OR5M1: variants seen among roughly 807,000 people sequenced by gnomAD.
OR5M1 encodes the protein olfactory receptor family 5 subfamily M member 1.
For missense variants in OR5M1, 367 were observed against 379.5 expected (o/e 0.97, Z 0.27); for synonymous variants, 165 against 144.2 (o/e 1.14, Z -1.04).
chr11:56,612,954 A>G lies in OR5M1; in HGVS notation c.549T>C (p.Pro183=), dbSNP rs1197386938. ...EINHFYCADP[P]LIMLACSDTR... is the part of the protein sequence containing the mutation. The stretch of plus-strand genomic sequence containing the variant: ...TGTCAGAGCAGGCCAGCATGATAAG[A>G]GGAGGATCAGCGCAGTAGAAATGAT... The change falls in exon 2 of 2, where the codon CCT becomes CCC. Residue 183 remains proline (P), a synonymous_variant. Transcript: ENST00000641076. 1.9e-6 allele frequency: 3 copies of G among 1,613,762 alleles called. No individual in the cohort carries two copies. The highest frequency in any genetic ancestry group is 1.7e-6 in the Non-Finnish European group (2 of 1,179,784).
chr11:56,612,712 G>C lies in OR5M1; in HGVS notation c.791C>G (p.Ser264Ter), dbSNP rs1444834145. ...TLFCMYVRPP[S>*]EKSVEESKIT... ...TTTGGACTCCTCTACAGACTTCTCT[G>C]ATGGAGGCCTTACGTACATGCAGAA... Residue 264 changes from serine to a stop codon, truncating the protein, a stop_gained, in exon 2 of 2, where the codon TCA becomes TGA. Coordinates refer to ENST00000641076, the MANE Select transcript of OR5M1 (RefSeq NM_001004740.2). LOFTEE classifies it low-confidence loss of function (END_TRUNC). 19 of 1,613,750 alleles carry C rather than the reference G, an allele frequency of 1.2e-5. No homozygotes were observed.
At chr11:56,614,148 C>T (rs1004490738) in intron 1 of OR5M1, among the ~76,000 whole-genome samples, 1 of 152,122 alleles carries the variant, frequency 6.6e-6, no homozygotes, top group East Asian at 1.9e-4. Context: ...AATGTCACTG[C>T]CTGTTTACTC....
In OR5M1 at chr11:56,613,063, A is replaced by T; in HGVS notation, c.440T>A (p.Ile147Asn). 2 of 1,608,862 alleles carry T rather than the reference A, an allele frequency of 1.2e-6. No homozygotes were observed. Among genetic ancestry groups the T allele is most frequent in the Non-Finnish European group, 1.7e-6 (2 of 1,176,660 alleles). Residue 147 changes from isoleucine to asparagine, a missense_variant, in exon 2 of 2, where the codon ATC becomes AAC. Physicochemically the swap from Ile to Asn is moderately radical, Grantham distance 149. Coordinates refer to ENST00000641076, the MANE Select transcript of OR5M1 (RefSeq NM_001004740.2). The stretch of plus-strand genomic sequence containing the variant: ...ACTAAGAAACCCATACATGTAAGGG[A>T]TAGTGACCAGACAGACACAGATGTT... ...SKNICVCLVT[I>N]PYMYGFLSGF...
rs1313308673 is a variant in OR5M1 at position 56,612,681 on chromosome 11, A to T, written c.822T>A (p.Thr274=). ...SEKSVEESKI[T]AVFYTFLSPM... ...GGCTCAAAAAAGTATAAAAGACTGC[A>T]GTTATTTTGGACTCCTCTACAGACT... The change falls in exon 2 of 2, where the codon ACT becomes ACA. Residue 274 remains threonine (T), a synonymous_variant. Coordinates refer to ENST00000641076, the MANE Select transcript of OR5M1 (RefSeq NM_001004740.2). 1.9e-6 allele frequency: 3 copies of T among 1,613,880 alleles called. No homozygotes were observed. The highest frequency in any genetic ancestry group is 2.5e-6 in the Non-Finnish European group (3 of 1,179,784).
In OR5M1 at chr11:56,614,526, T is replaced by C. The variant is rs137873812; in HGVS notation, c.-18+331A>G. 3.8e-3 allele frequency among the ~76,000 whole-genome samples: 572 copies of C among 152,230 alleles called. 2 individuals are homozygous for C. Among genetic ancestry groups the C allele is most frequent in the African/African-American group, 0.013 (543 of 41,536 alleles). ...TGTTTAGGTATGCACAGATAATTTT[T>C]AAAAGGGGTCTTAGCTTCCAACTCA... On this transcript the variant is annotated intron_variant, in intron 1 of 1. Coordinates refer to ENST00000641076, the MANE Select transcript of OR5M1 (RefSeq NM_001004740.2).
Position 56,611,847 on chromosome 11 carries a change from G to A in OR5M1, c.*708C>T, listed in dbSNP as rs947473956. On this transcript the variant is annotated 3_prime_UTR_variant, in exon 2 of 2. Coordinates refer to ENST00000641076, the MANE Select transcript of OR5M1 (RefSeq NM_001004740.2). ...TGAATTAGTCCTAAGTCAGAGGTAC[G>A]GCACTGGAAAACATAACTGGAATGC... 5 of 152,036 alleles carry A rather than the reference G, an allele frequency of 3.3e-5. No homozygotes were observed. Among genetic ancestry groups the A allele is most frequent in the South Asian group, 2.1e-4 (1 of 4,830 alleles). The allele number at this position is 152,036 out of a possible 1,614,324, so 9.4% of individuals were successfully genotyped here.
Position 56,612,928 on chromosome 11 carries a change from G to C in OR5M1, c.575C>G (p.Thr192Ser), listed in dbSNP as rs775064262. 6.2e-7 allele frequency: 1 copy of C among 1,613,748 alleles called. No individual in the cohort carries two copies. The highest frequency in any genetic ancestry group is 2.2e-5 in the East Asian group (1 of 44,870). The change falls in exon 2 of 2, where the codon ACC becomes AGC. Residue 192 changes from threonine (T) to serine (S), a missense_variant. Physicochemically the swap from Thr to Ser is moderately conservative, Grantham distance 58. Transcript: ENST00000641076. ...PPLIMLACSD[T>S]RVKKMAMFVV... ...AAACATTGCCATCTTTTTGACACGG[G>C]TGTCAGAGCAGGCCAGCATGATAAG...
rs1187984561 is a variant in OR5M1 at position 56,612,418 on chromosome 11, T to C, written c.*137A>G. 1.9e-6 allele frequency: 1 copy of C among 522,330 alleles called. No homozygotes were observed. The highest frequency in any genetic ancestry group is 1.9e-5 in the African/African-American group (1 of 51,520). The allele number at this position is 522,330 out of a possible 1,614,324, so 32.4% of individuals were successfully genotyped here. A position where few individuals can be genotyped will look rare whatever the true frequency, so the allele number is the denominator to read the frequency against. ...ATTTCTAAGAAATCAATCTTCAAGG[T>C]TTTCATTTGGATAAGAAAGTAAAGT... On this transcript the variant is annotated 3_prime_UTR_variant, in exon 2 of 2. Coordinates refer to ENST00000641076, the MANE Select transcript of OR5M1 (RefSeq NM_001004740.2).
At chr11:56,614,814 C>CAT in intron 1 of OR5M1, 43 bp downstream of exon 1, 1 of 143,966 alleles carries the variant, frequency 6.9e-6, no homozygotes, top group Admixed American at 6.9e-5. Context: ...CACACACACA[C>CAT]ACAAATTGTA....
Position 56,610,339 on chromosome 11 carries a change from A to C in OR5M1, c.*2216T>G, listed in dbSNP as rs1384282431. 6.6e-6 allele frequency: 1 copy of C among 152,118 alleles called. No individual in the cohort carries two copies. The allele number at this position is 152,118 out of a possible 1,614,324, so 9.4% of individuals were successfully genotyped here. A position where few individuals can be genotyped will look rare whatever the true frequency, so the allele number is the denominator to read the frequency against. Reference sequence around the variant, plus strand: ...GGAATTTTCAAGGGAAATTCTCATTAGCTATTCTTAGGATACATATAACTA... The same window carrying C: ...GGAATTTTCAAGGGAAATTCTCATTCGCTATTCTTAGGATACATATAACTA... On this transcript the variant is annotated 3_prime_UTR_variant, in exon 2 of 2. Transcript: ENST00000641076.
rs781445959 is a variant in OR5M1, at chr11:56,612,585, C to T, written c.918G>A (p.Arg306=). 1 of 1,605,232 alleles carries T rather than the reference C, an allele frequency of 6.2e-7. No individual in the cohort carries two copies. The highest frequency in any genetic ancestry group is 8.5e-7 in the Non-Finnish European group (1 of 1,177,626). ...CTGCAATTTTATGAAAGGATTTTCC[C>T]CTAATCATTTGTTGCATGGCAAGGA... ...DVILAMQQMI[R]GKSFHKIAV The change falls in exon 2 of 2, where the codon AGG becomes AGA. Residue 306 remains arginine (R), a synonymous_variant. Coordinates refer to ENST00000641076, the MANE Select transcript of OR5M1 (RefSeq NM_001004740.2).
Position 56,613,036 on chromosome 11 carries a change from C to G in OR5M1, c.467G>C (p.Gly156Ala), listed in dbSNP as rs750425747. The G allele has an allele frequency of 2.5e-6, 4 of 1,613,554 alleles. No homozygotes were observed. In the South Asian group the frequency reaches 4.4e-5, roughly 18 times the overall value. The change falls in exon 2 of 2, where the codon GGG (glycine) becomes GCG (alanine). Residue 156 changes from glycine (G) to alanine (A), a missense_variant. Coordinates refer to ENST00000641076, the MANE Select transcript of OR5M1 (RefSeq NM_001004740.2). ...TIPYMYGFLS[G>A]FSQSLLTFHL... Reference sequence around the variant, plus strand: ...AAAGGTTAGCAGTGACTGAGAGAACCCACTAAGAAACCCATACATGTAAGG... The same window carrying G: ...AAAGGTTAGCAGTGACTGAGAGAACGCACTAAGAAACCCATACATGTAAGG...
rs1853652990 is a variant in OR5M1, at chr11:56,609,783, C to A, written c.*2772G>T. On this transcript the variant is annotated 3_prime_UTR_variant, in exon 2 of 2. Transcript: ENST00000641076. The stretch of plus-strand genomic sequence containing the variant: ...ACACAAGTGAATGCTGAGTTCAGCT[C>A]TCTTCAGGTAGGTGATTATAAGTAA... The A allele has an allele frequency of 6.6e-6, 1 of 151,946 alleles. No homozygotes were observed. The highest frequency in any genetic ancestry group is 1.9e-4 in the East Asian group (1 of 5,196). 9.4% of individuals were successfully genotyped at this position (151,946 alleles called of 1,614,324 possible). A position where few individuals can be genotyped will look rare whatever the true frequency, so the allele number is the denominator to read the frequency against.
At chr11:56,614,776 TACACACACACACACACACAC>T (rs59777082) in intron 1 of OR5M1, 61 bp downstream of exon 1, 4 of 143,662 alleles carry the variant, frequency 2.8e-5, no homozygotes, top group East Asian at 4.3e-4. Context: ...TACTTATCTC[TACACACACACACACACACAC>T]ACACACACAC....
At chr11:56,613,617 A>G in intron 1 of OR5M1, 98 bp from the exon 2 acceptor site, 5 of 928,920 alleles carry the variant, frequency 5.4e-6, no homozygotes, top group Non-Finnish European at 8.2e-6. Flanking sequence ...TATCTAGGTG[A>G]CAATTACTTC....
In OR5M1 at chr11:56,609,965, T is replaced by C. The variant is rs1853654965; in HGVS notation, c.*2590A>G. ...TTTAATCTATATAAAGGTGCATACA[T>C]TATATCAAGTGAAAATCAGTGTTCA... On this transcript the variant is annotated 3_prime_UTR_variant, in exon 2 of 2. Transcript: ENST00000641076. The C allele has an allele frequency of 6.6e-6, 1 of 152,038 alleles. No homozygotes were observed. The highest frequency in any genetic ancestry group is 1.5e-5 in the Non-Finnish European group (1 of 67,908). The allele number at this position is 152,038 out of a possible 1,614,324, so 9.4% of individuals were successfully genotyped here. A position where few individuals can be genotyped will look rare whatever the true frequency, so the allele number is the denominator to read the frequency against.
rs1030468198 is a variant in OR5M1 at position 56,610,296 on chromosome 11, C to T, written c.*2259G>A. 6.6e-6 allele frequency: 1 copy of T among 151,958 alleles called. No homozygotes were observed. The highest frequency in any genetic ancestry group is 1.5e-5 in the Non-Finnish European group (1 of 67,930). The allele number at this position is 151,958 out of a possible 1,614,324, so 9.4% of individuals were successfully genotyped here. On this transcript the variant is annotated 3_prime_UTR_variant, in exon 2 of 2. Transcript: ENST00000641076. ...GTTAAGACAATTTTAATTATAATGC[C>T]TATAAATTATGTTAACCGGAATTTT...
intron 1 of OR5M1, among the ~76,000 whole-genome samples, chr11:56,614,057 C>A (rs918938225): frequency 6.6e-6 from 1 of 152,098 alleles, no homozygotes; most frequent in Non-Finnish European, 1.5e-5. Context: ...TATTCAGGAA[C>A]GATTAAACTA....
At position 56,611,226 on chromosome 11, in the gene OR5M1, A is replaced by C. The variant is rs1200798622; in HGVS notation, c.*1329T>G. 1 of 152,090 alleles carries C rather than the reference A, an allele frequency of 6.6e-6. No individual in the cohort carries two copies. Among genetic ancestry groups the C allele is most frequent in the African/African-American group, 2.4e-5 (1 of 41,408 alleles). The allele number at this position is 152,090 out of a possible 1,614,324, so 9.4% of individuals were successfully genotyped here. A position where few individuals can be genotyped will look rare whatever the true frequency, so the allele number is the denominator to read the frequency against. ...CATTGCCAAAACCAAGCAAATACAA[A>C]AACAAACAGTGCTAAAATGTAATTG... On this transcript the variant is annotated 3_prime_UTR_variant, in exon 2 of 2. Coordinates refer to ENST00000641076, the MANE Select transcript of OR5M1 (RefSeq NM_001004740.2).
Sources: allele counts gnomAD v4.1 joint callset (sites outside exome capture counted in the v4.1 genomes callset), GRCh38; gene constraint gnomAD v4.1.1; transcripts MANE v1.5; gene names NCBI Gene and HGNC (gene_info 2026-07-23, HGNC 2026-07-21).